Variants in CDH8 observed in about 807,000 individuals in gnomAD.
CDH8 encodes the protein cadherin-8.
Under a neutral mutation model 68.1 loss-of-function variants are expected in CDH8, and 17 were observed. That is an observed-to-expected ratio of 0.25 (90% CI 0.17 to 0.37). The LOEUF (loss-of-function observed/expected upper bound fraction) is 0.37, where lower values mean the gene tolerates loss of function less well. Among genes scored for constraint, CDH8 ranks in the 10% least tolerant of loss-of-function variants. The pLI, the probability that CDH8 is intolerant of heterozygous loss-of-function variation, is 1.00. For synonymous variants in CDH8, 372 were observed against 365.1 expected (o/e 1.02, Z -0.21); for missense variants, 763 against 999.3 (o/e 0.76, Z 3.19).
intron 2 of CDH8, among the ~76,000 whole-genome samples, chr16:61,950,568 T>C (rs1232045102): frequency 6.6e-6 from 1 of 152,238 alleles, no homozygotes; most frequent in Non-Finnish European, 1.5e-5. Context: ...GATATGAGAC[T>C]GCATTGTCTT....
At chr16:61,799,201 T>C (rs1961563875) in intron 7 of CDH8, among the ~76,000 whole-genome samples, 1 of 152,144 alleles carries the variant, frequency 6.6e-6, no homozygotes, top group South Asian at 2.1e-4. Flanking sequence ...CCTGAAATGA[T>C]ATCTTTTTGG....
At chr16:61,697,433 G>A (rs909573509) in intron 10 of CDH8, among the ~76,000 whole-genome samples, 1 of 151,844 alleles carries the variant, frequency 6.6e-6, no homozygotes, top group African/African-American at 2.4e-5. Flanking sequence ...CTGGGATAGA[G>A]AACATCTCTT....
At chr16:61,792,897 T>C (rs953791066) in intron 7 of CDH8, among the ~76,000 whole-genome samples, 1 of 151,988 alleles carries the variant, frequency 6.6e-6, no homozygotes, top group Non-Finnish European at 1.5e-5. Flanking sequence ...CATCCTTGAA[T>C]GCCTACACAT....
rs1447150355 is a variant in CDH8 at position 61,649,154 on chromosome 16, T to A, written c.*4454A>T. ...TTATTTTGTCCACAAAAAAATACAA[T>A]GACATTTAAAAAGTCTAAGTACAGC... On this transcript the variant is annotated 3_prime_UTR_variant, in exon 12 of 12. Coordinates refer to ENST00000577390, the MANE Select transcript of CDH8 (RefSeq NM_001796.5). 2 of 152,030 alleles carry A rather than the reference T, an allele frequency of 1.3e-5. No individual in the cohort carries two copies. The allele number at this position is 152,030 out of a possible 1,614,324, so 9.4% of individuals were successfully genotyped here.
chr16:61,996,954 T>C lies in CDH8; in HGVS notation c.252+24198A>G, dbSNP rs1384696239. Among the ~76,000 whole-genome samples, 5 of 152,180 alleles carry C rather than the reference T, an allele frequency of 3.3e-5. No individual in the cohort carries two copies. In the South Asian group the frequency reaches 8.3e-4, roughly 25 times the overall value. On this transcript the variant is annotated intron_variant, in intron 2 of 11. Transcript: ENST00000577390. ...ATTTTGTTTTCTTTCATATATGAGG[T>C]TAATACACTTCAAACAAGTATTTCA...
intron 2 of CDH8, among the ~76,000 whole-genome samples, chr16:62,009,826 A>C (rs1397949898): frequency 6.6e-6 from 1 of 152,240 alleles, no homozygotes; most frequent in African/African-American, 2.4e-5. Context: ...AAATATATTT[A>C]AAGCATGTAG....
chr16:61,877,515 G>T (rs1236599488), intron 3 of CDH8, among the ~76,000 whole-genome samples: 1 of 152,086 alleles, frequency 6.6e-6, no homozygotes, highest in Non-Finnish European at 1.5e-5. Flanking sequence ...GCCTACTTGA[G>T]ACAGAAAAGA....
chr16:61,672,434 C>A (rs1963816028), intron 10 of CDH8, among the ~76,000 whole-genome samples: 1 of 151,932 alleles, frequency 6.6e-6, no homozygotes, highest in Admixed American at 6.6e-5. Context: ...ATAATTTTTC[C>A]AAGGTAATAC....
At chr16:61,681,906 G>A (rs1189877590) in intron 10 of CDH8, among the ~76,000 whole-genome samples, 1 of 151,838 alleles carries the variant, frequency 6.6e-6, no homozygotes, top group Non-Finnish European at 1.5e-5. Flanking sequence ...GTCCTGTATG[G>A]TAATCTGGAT....
chr16:61,847,212 G>C (rs1479209781), intron 4 of CDH8, among the ~76,000 whole-genome samples: 1 of 151,840 alleles, frequency 6.6e-6, no homozygotes, highest in Non-Finnish European at 1.5e-5. Context: ...ATCATGAGAT[G>C]GGCCTGGTTC....
At chr16:61,923,768 A>G (rs1964412776) in intron 2 of CDH8, among the ~76,000 whole-genome samples, 1 of 147,708 alleles carries the variant, frequency 6.8e-6, no homozygotes, top group South Asian at 2.1e-4. Flanking sequence ...TTAAATATAT[A>G]TAAATATATG....
chr16:61,662,885 T>C (rs1174962761), intron 10 of CDH8, among the ~76,000 whole-genome samples: 3 of 151,958 alleles, frequency 2.0e-5, no homozygotes, highest in African/African-American at 7.2e-5. Flanking sequence ...TTCCCCATCA[T>C]TTCTCCCAGT....
chr16:61,782,045 C>T (rs1347005314), intron 8 of CDH8, among the ~76,000 whole-genome samples: 4 of 152,194 alleles, frequency 2.6e-5, no homozygotes, highest in African/African-American at 9.6e-5. Context: ...TGTTCTCTGC[C>T]TGCACTCAAG....
chr16:62,018,733 T>C (rs773586036), intron 2 of CDH8, among the ~76,000 whole-genome samples: 7 of 152,192 alleles, frequency 4.6e-5, no homozygotes, highest in Non-Finnish European at 8.8e-5. Context: ...TTGGTCATGG[T>C]AGGAAACCGT....
chr16:61,923,586 TG>T (rs1228878281), intron 2 of CDH8, among the ~76,000 whole-genome samples: 1 of 151,834 alleles, frequency 6.6e-6, no homozygotes, highest in African/African-American at 2.4e-5. Context: ...CTCTTTGAAC[TG>T]TTGTGAATAA....
intron 2 of CDH8, among the ~76,000 whole-genome samples, chr16:61,942,887 C>T (rs1225243690): frequency 2.0e-5 from 3 of 152,058 alleles, no homozygotes; most frequent in African/African-American, 7.2e-5. Context: ...GCCTGGACAA[C>T]ACGGCAAAAC....
intron 11 of CDH8, among the ~76,000 whole-genome samples, chr16:61,654,303 G>T (rs538229029): frequency 6.6e-6 from 1 of 152,084 alleles, no homozygotes; most frequent in Admixed American, 6.6e-5. Flanking sequence ...CAGATTATTG[G>T]CTTATTAAAT....
rs200228755 is a variant in CDH8, at chr16:62,021,276, G to A, written c.128C>T (p.Pro43Leu). ...NQSQVLMSGS[P>L]LELNSLGEEQ... The stretch of plus-strand genomic sequence containing the variant: ...TTCACCCAGACTGTTTAGTTCCAAA[G>A]GGGATCCACTCATTAAAACTTGAGA... Residue 43 changes from proline (P) to leucine (L), a missense_variant, in exon 2 of 12, where the codon CCT (proline) becomes CTT (leucine). Physicochemically the swap from Pro to Leu is moderately conservative, Grantham distance 98 (BLOSUM62 -3). This residue lies in a region of CDH8 where 366 missense variants were observed against 563.1 expected (regional missense o/e 0.65). Transcript: ENST00000577390. The A allele has an allele frequency of 3.2e-5, 52 of 1,613,770 alleles. No individual in the cohort carries two copies. Among genetic ancestry groups the A allele is most frequent in the Admixed American group, 2.8e-4 (17 of 59,956 alleles).
At chr16:61,678,800 C>T (rs938378158) in intron 10 of CDH8, among the ~76,000 whole-genome samples, 2 of 152,082 alleles carry the variant, frequency 1.3e-5, no homozygotes, top group Non-Finnish European at 2.9e-5. Context: ...CATACCCTCC[C>T]CTGCTAATCT....
Sources: gnomAD v4.1 joint callset for allele counts (sites outside exome capture counted in the v4.1 genomes callset) on GRCh38, gnomAD v4.1.1 for gene constraint, gnomAD v4.1.1 regional missense constraint, MANE v1.5 for transcripts, NCBI Gene and HGNC (gene_info 2026-07-23, HGNC 2026-07-21) for gene names.